ARHGEF28: variants seen among roughly 807,000 people sequenced by gnomAD.
ARHGEF28 encodes 190 kDa guanine nucleotide exchange factor.
A neutral mutation model predicts 206.6 loss-of-function variants in ARHGEF28; 152 were observed. The observed-to-expected ratio is 0.74, with a 90% CI of 0.64 to 0.84. ARHGEF28 has a LOEUF of 0.84. ARHGEF28 is among the 40% of genes least tolerant of loss of function. ARHGEF28 has a pLI of 0.00. For missense variants in ARHGEF28, 2,028 were observed against 2,073.2 expected, an observed-to-expected ratio of 0.98 and a Z score of 0.42; for synonymous variants, 763 against 776.4, an observed-to-expected ratio of 0.98 and a Z score of 0.29.
Position 73,850,286 on chromosome 5 carries a change from G to C in ARHGEF28, c.1747+1199G>C, listed in dbSNP as rs181095140. 3.3e-5 allele frequency among the ~76,000 whole-genome samples: 5 copies of C among 152,102 alleles called. No individual in the cohort carries two copies. In the East Asian group the frequency reaches 9.7e-4, roughly 29 times the overall value. ...CTTTTTCTGGGATGTACTGTTAGAA[G>C]AGAAGAGAGCAAGACTGATAATACA... On this transcript the variant is annotated intron_variant, in intron 13 of 35. Transcript: ENST00000513042.
At chr5:73,838,346 A>G (rs749581293) in intron 10 of ARHGEF28, among the ~76,000 whole-genome samples, 3 of 152,190 alleles carry the variant, frequency 2.0e-5, no homozygotes, top group Non-Finnish European at 2.9e-5. Context: ...CTTTCTGGCA[A>G]TATCTGAAAA....
chr5:73,833,202 T>C (rs10515164), intron 10 of ARHGEF28, among the ~76,000 whole-genome samples: 16,676 of 152,238 alleles, frequency 0.11, 1,269 homozygotes, highest in African/African-American at 0.21. Flanking sequence ...GTAGTTTTGA[T>C]GACACAAAGT....
In ARHGEF28 at chr5:73,840,829, C is replaced by G. The variant is rs145068496; in HGVS notation, c.1427+69C>G. 197 of 1,465,782 alleles carry G rather than the reference C, an allele frequency of 1.3e-4. No individual in the cohort carries two copies. The East Asian group carries it at 4.1e-3, about 30-fold the overall frequency. The allele number at this position is 1,465,782 out of a possible 1,614,324, so 90.8% of individuals were successfully genotyped here. A position where few individuals can be genotyped will look rare whatever the true frequency, so the allele number is the denominator to read the frequency against. The stretch of plus-strand genomic sequence containing the variant: ...ACCTTATAGGTAGACTTCAAAAATT[C>G]TAGTTTTAAACTTTTTATTGTCTCT... On this transcript the variant is annotated intron_variant, in intron 11 of 35. Transcript: ENST00000513042.
intron 4 of ARHGEF28, among the ~76,000 whole-genome samples, chr5:73,771,466 T>G (rs1753216363): frequency 6.6e-6 from 1 of 151,614 alleles, no homozygotes; most frequent in Non-Finnish European, 1.5e-5. Flanking sequence ...GAGAATCACT[T>G]GAAACTGGGA....
chr5:73,770,335 T>G (rs1753153443), intron 4 of ARHGEF28, among the ~76,000 whole-genome samples: 1 of 152,230 alleles, frequency 6.6e-6, no homozygotes, highest in Non-Finnish European at 1.5e-5. Context: ...GCAGTTGGAC[T>G]CCTGTTATGC....
chr5:73,783,440 G>C (rs1442066513), intron 7 of ARHGEF28, among the ~76,000 whole-genome samples: 2 of 150,954 alleles, frequency 1.3e-5, no homozygotes, highest in Non-Finnish European at 3.0e-5. Flanking sequence ...AAGAACATAG[G>C]CTTAAGAAGT....
intron 2 of ARHGEF28, among the ~76,000 whole-genome samples, chr5:73,733,111 C>G (rs1056670558): frequency 6.6e-6 from 1 of 152,078 alleles, no homozygotes; most frequent in Admixed American, 6.5e-5. Context: ...TACACTTTAC[C>G]CAATGTGTAG....
At chr5:73,923,282 G>A (rs961882889) in intron 35 of ARHGEF28, 8 of 884,816 alleles carry the variant, frequency 9.0e-6, no homozygotes, top group Non-Finnish European at 9.5e-6. Flanking sequence ...GATAAAGCAT[G>A]GTAAAAAAAA....
intron 1 of ARHGEF28, among the ~76,000 whole-genome samples, chr5:73,632,170 T>G (rs1743410373): frequency 6.6e-6 from 1 of 152,174 alleles, no homozygotes; most frequent in Non-Finnish European, 1.5e-5. Flanking sequence ...GGTGTTTTCC[T>G]GGGTATCCGA....
intron 9 of ARHGEF28, among the ~76,000 whole-genome samples, chr5:73,802,876 G>C (rs868796636): frequency 0.042 from 5,539 of 131,338 alleles, 148 homozygotes; most frequent in African/African-American, 0.054. Flanking sequence ...ATTGCTGTGT[G>C]TGTGTGTGTG....
At chr5:73,772,749 C>T (rs1324949891) in intron 4 of ARHGEF28, among the ~76,000 whole-genome samples, 4 of 152,112 alleles carry the variant, frequency 2.6e-5, no homozygotes, top group African/African-American at 4.8e-5. Flanking sequence ...TTGATCAGGA[C>T]TCGGGAAGGA....
chr5:73,682,406 T>C (rs1196600248), intron 1 of ARHGEF28, among the ~76,000 whole-genome samples: 4 of 150,938 alleles, frequency 2.7e-5, no homozygotes, highest in Admixed American at 6.6e-5. Context: ...GTACTAAATA[T>C]CACAATTCAT....
At chr5:73,908,668 T>C (rs1762682747) in intron 33 of ARHGEF28, 1 of 152,240 alleles carries the variant, frequency 6.6e-6, no homozygotes, top group African/African-American at 2.4e-5. Context: ...GTTGGTAATG[T>C]CCTCTGGGCT....
chr5:73,689,951 C>T (rs568731119), intron 2 of ARHGEF28, among the ~76,000 whole-genome samples: 11 of 152,150 alleles, frequency 7.2e-5, no homozygotes, highest in Non-Finnish European at 1.5e-4. Flanking sequence ...TCAGTGGAAC[C>T]TAAGGTGTTT....
intron 2 of ARHGEF28, among the ~76,000 whole-genome samples, chr5:73,718,468 G>A (rs60761831): frequency 0.02 from 2,974 of 152,258 alleles, 93 homozygotes; most frequent in African/African-American, 0.068. Flanking sequence ...GTTTCCAAAT[G>A]TATGGGGACA....
intron 13 of ARHGEF28, among the ~76,000 whole-genome samples, chr5:73,851,501 G>C (rs552553389): frequency 6.6e-6 from 1 of 151,530 alleles, no homozygotes; most frequent in Non-Finnish European, 1.5e-5. Flanking sequence ...ATTCCCTTTG[G>C]TCTATTATAG....
At chr5:73,868,289 G>A (rs1441727942) in intron 20 of ARHGEF28, 62 bp downstream of exon 20, 23 of 1,483,362 alleles carry the variant, frequency 1.6e-5, no homozygotes, top group Non-Finnish European at 2.0e-5. Context: ...AAATGACACT[G>A]TCTGAAGGAA....
intron 31 of ARHGEF28, chr5:73,903,483 A>G (rs1429391822): frequency 6.6e-6 from 1 of 152,228 alleles, no homozygotes; most frequent in Non-Finnish European, 1.5e-5. Flanking sequence ...TGAATAAACA[A>G]GTGTTCAATT....
At chr5:73,787,480 T>G (rs1754231855) in intron 7 of ARHGEF28, among the ~76,000 whole-genome samples, 1 of 152,166 alleles carries the variant, frequency 6.6e-6, no homozygotes, top group South Asian at 2.1e-4. Flanking sequence ...GGTGGTTTGC[T>G]GCACCCCTCA....
Sources: gnomAD v4.1 joint callset for allele counts (sites outside exome capture counted in the v4.1 genomes callset) on GRCh38, gnomAD v4.1.1 for gene constraint, MANE v1.5 for transcripts, NCBI Gene and HGNC (gene_info 2026-07-23, HGNC 2026-07-21) for gene names.